CACNA2D3: variants seen among roughly 807,000 people sequenced by gnomAD.
CACNA2D3 encodes the protein calcium voltage-gated channel auxiliary subunit alpha2delta 3, also known as voltage-dependent calcium channel subunit alpha-2/delta-3.
A neutral mutation model predicts 160.6 loss-of-function variants in CACNA2D3; 60 were observed. The ratio of observed to expected loss-of-function variants is 0.37; its 90% CI spans 0.30 to 0.46. The LOEUF (loss-of-function observed/expected upper bound fraction) is 0.46. Ranked by LOEUF, CACNA2D3 falls within the 20% of genes least tolerant of loss-of-function variation. The pLI, the probability that CACNA2D3 is intolerant of heterozygous loss-of-function variation, is 1.00. For missense variants in CACNA2D3, 1,205 were observed against 1,365.0 expected (o/e 0.88, Z 1.85); for synonymous variants, 558 against 492.9 (o/e 1.13, Z -1.75).
intron 2 of CACNA2D3, among the ~76,000 whole-genome samples, chr3:54,241,901 T>A (rs980014077): frequency 1.3e-5 from 2 of 152,160 alleles, no homozygotes; most frequent in African/African-American, 4.8e-5. Context: ...ATGATGATGA[T>A]AAGAATACCT....
At chr3:54,468,248 G>A (rs1374187897) in intron 4 of CACNA2D3, among the ~76,000 whole-genome samples, 1 of 152,190 alleles carries the variant, frequency 6.6e-6, no homozygotes, top group Non-Finnish European at 1.5e-5. Context: ...ATCTCATTGG[G>A]ACTGGTTGGA....
intron 13 of CACNA2D3, among the ~76,000 whole-genome samples, chr3:54,778,129 G>A (rs1456318851): frequency 6.6e-6 from 1 of 152,058 alleles, no homozygotes; most frequent in Non-Finnish European, 1.5e-5. Context: ...CGTCCTACGT[G>A]GCTGGAGCAG....
At position 54,822,802 on chromosome 3, in the gene CACNA2D3, T is replaced by TCCTTCCTTCCTTCCTTCCTTCCTTCCTTC. The variant is rs781374820; in HGVS notation, c.1398+5933_1398+5934insCTTCCTTCCTTCCTTCCTTCCTTCCTTCC. Among the ~76,000 whole-genome samples the TCCTTCCTTCCTTCCTTCCTTCCTTCCTTC allele has an allele frequency of 4.3e-5, 4 of 92,480 alleles. No homozygotes were observed. The East Asian group carries it at 1.2e-3, about 28-fold the overall frequency. 60.7% of individuals were successfully genotyped at this position (92,480 alleles called of 152,430 possible). ...TCTTTCTTTCTTTCCTTTCTTTCTT[T>TCCTTCCTTCCTTCCTTCCTTCCTTCCTTC]CTTTCTTTCTTTCTTTCTTTCTTTC... On this transcript the variant is annotated intron_variant, in intron 14 of 37. Transcript: ENST00000474759.
At chr3:54,603,265 C>T (rs74943810) in intron 9 of CACNA2D3, among the ~76,000 whole-genome samples, 4,752 of 152,316 alleles carry the variant, frequency 0.031, 115 homozygotes, top group South Asian at 0.094. Context: ...CCCACCACCT[C>T]CTCCTCCTAA....
intron 24 of CACNA2D3, among the ~76,000 whole-genome samples, chr3:54,889,364 G>C (rs931750102): frequency 1.3e-5 from 2 of 152,202 alleles, no homozygotes; most frequent in Admixed American, 1.3e-4. Flanking sequence ...GTAAAGGTTC[G>C]TACAGTTTTC....
At chr3:54,977,018 AT>A (rs1289751960) in intron 29 of CACNA2D3, among the ~76,000 whole-genome samples, 2 of 152,194 alleles carry the variant, frequency 1.3e-5, no homozygotes, top group Non-Finnish European at 1.5e-5. Context: ...AACTGTGTTT[AT>A]TTTTTAAATA....
chr3:54,757,174 C>T (rs1290821365), intron 12 of CACNA2D3, among the ~76,000 whole-genome samples: 2 of 152,152 alleles, frequency 1.3e-5, no homozygotes, highest in Non-Finnish European at 2.9e-5. Context: ...GGCTGATTCT[C>T]CTTCAGAAAT....
chr3:54,859,972 G>GCGCGCGCGCACACACACACA lies in CACNA2D3; in HGVS notation c.1627-11566_1627-11565insGCGCGCGCACACACACACAC, dbSNP rs535185040. Among the ~76,000 whole-genome samples, 57 of 133,884 alleles carry GCGCGCGCGCACACACACACA rather than the reference G, an allele frequency of 4.3e-4. 1 individual carries two copies. Among genetic ancestry groups the GCGCGCGCGCACACACACACA allele is most frequent in the African/African-American group, 1.6e-3 (56 of 35,946 alleles). 87.8% of individuals were successfully genotyped at this position (133,884 alleles called of 152,430 possible). On this transcript the variant is annotated intron_variant, in intron 17 of 37. Coordinates refer to ENST00000474759, the MANE Select transcript of CACNA2D3 (RefSeq NM_018398.3). ...TTAGAACATCATCTGGAAAGTAGAT[G>GCGCGCGCGCACACACACACA]CACACACACACACACACACACACAC...
intron 8 of CACNA2D3, among the ~76,000 whole-genome samples, chr3:54,571,983 TC>T (rs1417562090): frequency 6.6e-6 from 1 of 152,104 alleles, no homozygotes; most frequent in Non-Finnish European, 1.5e-5. Context: ...AAGAGGGTGC[TC>T]CGAGAATGCT....
At chr3:54,673,004 G>A (rs601420) in intron 11 of CACNA2D3, among the ~76,000 whole-genome samples, 124,572 of 152,188 alleles carry the variant, frequency 0.82, 53,187 homozygotes, top group Non-Finnish European at 0.94. Context: ...TCACATGCCA[G>A]CTTCTGTTGA....
chr3:55,006,759 G>A (rs1703103374), intron 32 of CACNA2D3, among the ~76,000 whole-genome samples: 1 of 152,196 alleles, frequency 6.6e-6, no homozygotes. Flanking sequence ...AAAGTTTTGA[G>A]AATGATTGGG....
In CACNA2D3 at chr3:54,476,603, C is replaced by T. The variant is rs145960126; in HGVS notation, c.382-26889C>T. ...GACTTTTTGATAATAGCCATTCTAA[C>T]GGGTATGAGATGTTACTTCTTTGTG... On this transcript the variant is annotated intron_variant, in intron 4 of 37. Coordinates refer to ENST00000474759, the MANE Select transcript of CACNA2D3 (RefSeq NM_018398.3). Among the ~76,000 whole-genome samples the T allele has an allele frequency of 6.3e-3, 962 of 152,122 alleles. 12 individuals carry two copies. Among genetic ancestry groups the T allele is most frequent in the African/African-American group, 0.021 (867 of 41,502 alleles).
At chr3:55,011,752 A>G (rs1044301290) in intron 34 of CACNA2D3, among the ~76,000 whole-genome samples, 4 of 152,190 alleles carry the variant, frequency 2.6e-5, no homozygotes, top group African/African-American at 7.2e-5. Context: ...GAAGACTATC[A>G]TGTCCCCGAA....
At chr3:54,185,726 A>G (rs1700869398) in intron 2 of CACNA2D3, among the ~76,000 whole-genome samples, 2 of 152,202 alleles carry the variant, frequency 1.3e-5, no homozygotes, top group African/African-American at 4.8e-5. Context: ...AATGATGGAC[A>G]TGACTGTGTT....
At chr3:54,123,693 G>C in intron 2 of CACNA2D3, 99 bp downstream of exon 2, 1 of 933,982 alleles carries the variant, frequency 1.1e-6, no homozygotes, top group Non-Finnish European at 1.8e-6. Flanking sequence ...AGCAGCATCA[G>C]TTATCGGAGG....
chr3:54,370,666 C>G (rs1314679737), intron 3 of CACNA2D3, among the ~76,000 whole-genome samples: 1 of 152,098 alleles, frequency 6.6e-6, no homozygotes, highest in African/African-American at 2.4e-5. Flanking sequence ...ACATTGCACT[C>G]TAATATACTA....
chr3:54,169,898 G>T (rs548784533), intron 2 of CACNA2D3, among the ~76,000 whole-genome samples: 20 of 152,062 alleles, frequency 1.3e-4, no homozygotes, highest in Non-Finnish European at 2.6e-4. Flanking sequence ...CAAGAGTGAG[G>T]GAGAAATGGC....
chr3:54,464,136 T>C (rs1700564594), intron 4 of CACNA2D3, among the ~76,000 whole-genome samples: 1 of 152,162 alleles, frequency 6.6e-6, no homozygotes, highest in South Asian at 2.1e-4. Context: ...CTGGAAGTTT[T>C]GTCTCAGAGG....
At chr3:55,007,165 C>G (rs1703116378) in intron 32 of CACNA2D3, among the ~76,000 whole-genome samples, 1 of 152,098 alleles carries the variant, frequency 6.6e-6, no homozygotes, top group Non-Finnish European at 1.5e-5. Flanking sequence ...TTAAAATATT[C>G]TGAAATAAAG....
Sources: gnomAD v4.1 joint callset for allele counts (sites outside exome capture counted in the v4.1 genomes callset) on GRCh38, gnomAD v4.1.1 for gene constraint, MANE v1.5 for transcripts, NCBI Gene and HGNC (gene_info 2026-07-23, HGNC 2026-07-21) for gene names.